TESK2: variants seen among roughly 807,000 people sequenced by gnomAD.
TESK2 encodes dual specificity testis-specific protein kinase 2.
Under a neutral mutation model 57.1 loss-of-function variants are expected in TESK2, and 39 were observed. The observed-to-expected ratio is 0.68, with a 90% CI of 0.53 to 0.89. TESK2 has a LOEUF of 0.89. TESK2 is among the 40% of genes least tolerant of loss of function. The pLI is 0.00. For missense variants in TESK2, 646 were observed against 732.1 expected, an observed-to-expected ratio of 0.88 and a Z score of 1.36; for synonymous variants, 249 against 267.9, an observed-to-expected ratio of 0.93 and a Z score of 0.69.
chr1:45,418,758 TA>T (rs1650345821), intron 3 of TESK2, among the ~76,000 whole-genome samples: 1 of 152,182 alleles, frequency 6.6e-6, no homozygotes, highest in African/African-American at 2.4e-5. Context: ...TTTGCATTTT[TA>T]TATCTGTGCT....
At chr1:45,427,929 T>C (rs997792273) in intron 2 of TESK2, among the ~76,000 whole-genome samples, 2 of 152,198 alleles carry the variant, frequency 1.3e-5, no homozygotes, top group Non-Finnish European at 2.9e-5. Flanking sequence ...CACAAAGAAA[T>C]GATAAATGCT....
intron 2 of TESK2, among the ~76,000 whole-genome samples, chr1:45,438,972 A>G (rs1192493615): frequency 6.6e-6 from 1 of 152,188 alleles, no homozygotes; most frequent in Non-Finnish European, 1.5e-5. Flanking sequence ...TACTGTTTGG[A>G]AAGTTAAAAA....
At chr1:45,482,228 C>A (rs191178972) in intron 1 of TESK2, among the ~76,000 whole-genome samples, 175 of 152,248 alleles carry the variant, frequency 1.1e-3, no homozygotes, top group Admixed American at 1.6e-3. Flanking sequence ...AAGGTCATGA[C>A]ATTATACGAA....
At chr1:45,480,471 A>AG in intron 1 of TESK2, among the ~76,000 whole-genome samples, 1 of 151,470 alleles carries the variant, frequency 6.6e-6, no homozygotes. Context: ...AAAAAAAAAA[A>AG]AAAGAAATCT....
chr1:45,486,329 T>G (rs180984640), intron 1 of TESK2, among the ~76,000 whole-genome samples: 1 of 152,178 alleles, frequency 6.6e-6, no homozygotes, highest in African/African-American at 2.4e-5. Flanking sequence ...CAAAATGAAA[T>G]GTATGACACT....
At chr1:45,424,101 C>T (rs907536032) in intron 2 of TESK2, among the ~76,000 whole-genome samples, 10 of 152,156 alleles carry the variant, frequency 6.6e-5, no homozygotes, top group African/African-American at 9.7e-5. Context: ...CATCATCCTA[C>T]GGACTTCAGG....
intron 1 of TESK2, among the ~76,000 whole-genome samples, chr1:45,470,283 C>T (rs1652709539): frequency 6.6e-6 from 1 of 152,176 alleles, no homozygotes. Context: ...AGCTGTGTAT[C>T]AATACCAAAC....
chr1:45,349,270 G>C (rs753193938), intron 5 of TESK2, among the ~76,000 whole-genome samples: 1 of 152,090 alleles, frequency 6.6e-6, no homozygotes, highest in African/African-American at 2.4e-5. Flanking sequence ...GGAAGGAGCC[G>C]TGATTTCATC....
At chr1:45,446,104 T>C (rs1176044458) in intron 2 of TESK2, among the ~76,000 whole-genome samples, 3 of 151,898 alleles carry the variant, frequency 2.0e-5, no homozygotes, top group Non-Finnish European at 4.4e-5. Flanking sequence ...CTACCAAATA[T>C]TTAAGAAATA....
intron 1 of TESK2, among the ~76,000 whole-genome samples, chr1:45,485,963 A>G (rs1028654755): frequency 3.9e-5 from 6 of 152,178 alleles, no homozygotes; most frequent in African/African-American, 1.4e-4. Flanking sequence ...CATATAGTTA[A>G]TAACAACAGA....
intron 2 of TESK2, among the ~76,000 whole-genome samples, chr1:45,440,261 CA>C (rs1369487917): frequency 2.0e-5 from 3 of 151,420 alleles, no homozygotes; most frequent in East Asian, 1.9e-4. Context: ...AAGGCCCCCC[CA>C]AAAAAAGGTA....
intron 3 of TESK2, among the ~76,000 whole-genome samples, chr1:45,414,783 T>C (rs1315410823): frequency 6.6e-6 from 1 of 152,218 alleles, no homozygotes; most frequent in African/African-American, 2.4e-5. Flanking sequence ...TAATTTCTTG[T>C]TTGCATTAGC....
chr1:45,426,881 A>T lies in TESK2; in HGVS notation c.223-5035T>A, dbSNP rs1037845069. On this transcript the variant is annotated intron_variant, in intron 2 of 10. Coordinates refer to ENST00000372086, the MANE Select transcript of TESK2 (RefSeq NM_007170.3). ...ATCACTGATCATCACAGAAATGCAAATCCAAACTACAATGAGATATCATCT... is the reference window on the plus strand; with the variant it reads ...ATCACTGATCATCACAGAAATGCAATTCCAAACTACAATGAGATATCATCT... Among the ~76,000 whole-genome samples, 10 of 152,314 alleles carry T rather than the reference A, an allele frequency of 6.6e-5. 1 individual carries two copies. In the South Asian group the frequency reaches 1.7e-3, roughly 25 times the overall value.
chr1:45,373,314 A>G (rs2149270759), intron 4 of TESK2, among the ~76,000 whole-genome samples: 1 of 152,372 alleles, frequency 6.6e-6, no homozygotes, highest in African/African-American at 2.4e-5. Context: ...GTAAAGAGGT[A>G]AGATGAACAG....
chr1:45,444,385 T>A (rs1350222779), intron 2 of TESK2, among the ~76,000 whole-genome samples: 1 of 152,170 alleles, frequency 6.6e-6, no homozygotes, highest in Non-Finnish European at 1.5e-5. Context: ...CACCATAAAA[T>A]TAAACAATTA....
intron 1 of TESK2, among the ~76,000 whole-genome samples, chr1:45,483,497 C>T (rs1325323284): frequency 1.3e-5 from 2 of 151,244 alleles, no homozygotes; most frequent in Admixed American, 6.6e-5. Context: ...ACTCGGGAGG[C>T]TGAAGAGGGA....
intron 6 of TESK2, 52 bp downstream of exon 6, chr1:45,347,866 T>A: frequency 6.6e-7 from 1 of 1,523,260 alleles, no homozygotes; most frequent in South Asian, 1.1e-5. Flanking sequence ...GAATTTTCCC[T>A]TAGCTTCAGC....
Position 45,452,646 on chromosome 1 carries a change from C to T in TESK2, c.222+4918G>A, listed in dbSNP as rs193100300. Among the ~76,000 whole-genome samples the T allele has an allele frequency of 5.7e-4, 87 of 151,986 alleles. 1 individual carries two copies. In the Middle Eastern group the frequency reaches 0.034, roughly 59 times the overall value. ...GAAAAAGCCTGGGCACGGTGGCTAACGCCTATAACCCAGCATTTTGGACTT... is the reference window on the plus strand; with the variant it reads ...GAAAAAGCCTGGGCACGGTGGCTAATGCCTATAACCCAGCATTTTGGACTT... On this transcript the variant is annotated intron_variant, in intron 2 of 10. Transcript: ENST00000372086.
intron 2 of TESK2, among the ~76,000 whole-genome samples, chr1:45,422,922 A>C (rs1342666534): frequency 6.6e-6 from 1 of 150,898 alleles, no homozygotes; most frequent in Non-Finnish European, 1.5e-5. Context: ...AGCGCCTGCC[A>C]CCGCGCCCAG....
Sources: gnomAD v4.1 joint callset for allele counts (sites outside exome capture counted in the v4.1 genomes callset) on GRCh38, gnomAD v4.1.1 for gene constraint, MANE v1.5 for transcripts, NCBI Gene and HGNC (gene_info 2026-07-23, HGNC 2026-07-21) for gene names.